N4BP2: variants seen among roughly 807,000 people sequenced by gnomAD.
The protein encoded by N4BP2 is NEDD4-binding protein 2.
Under a neutral mutation model 152.8 loss-of-function variants are expected in N4BP2, and 91 were observed. The ratio of observed to expected loss-of-function variants is 0.60; its 90% confidence interval spans 0.50 to 0.71. The LOEUF (loss-of-function observed/expected upper bound fraction) is 0.71. N4BP2 is among the 30% of genes least tolerant of loss of function. N4BP2 has a pLI of 0.00. For missense variants in N4BP2, 1,923 were observed against 2,059.1 expected, an observed-to-expected ratio of 0.93 and a Z score of 1.28; for synonymous variants, 646 against 705.3, an observed-to-expected ratio of 0.92 and a Z score of 1.33.
intron 16 of N4BP2, among the ~76,000 whole-genome samples, chr4:40,145,785 T>C (rs1445479839): frequency 6.6e-6 from 1 of 152,124 alleles, no homozygotes; most frequent in African/African-American, 2.4e-5. Flanking sequence ...TTATTGGAGT[T>C]TATTGTCTAG....
At chr4:40,147,790 G>C (rs1720728448) in intron 16 of N4BP2, among the ~76,000 whole-genome samples, 1 of 151,594 alleles carries the variant, frequency 6.6e-6, no homozygotes. Flanking sequence ...CTGCTGGGCG[G>C]AGGGGCTCCT....
intron 3 of N4BP2, 85 bp downstream of exon 3, chr4:40,097,654 T>G: frequency 1.3e-6 from 1 of 782,970 alleles, no homozygotes; most frequent in Non-Finnish European, 2.0e-6. Flanking sequence ...TATAGAAAAA[T>G]GTCTTGTTTC....
intron 7 of N4BP2, among the ~76,000 whole-genome samples, chr4:40,116,899 C>T (rs879113260): frequency 1.3e-5 from 2 of 152,042 alleles, no homozygotes; most frequent in Admixed American, 1.3e-4. Context: ...TCACTCCCTT[C>T]TGACTTACAT....
chr4:40,120,003 A>T lies in N4BP2; in HGVS notation c.1892A>T (p.Glu631Val), dbSNP rs1316650231. The T allele has an allele frequency of 3.2e-6, 5 of 1,569,714 alleles. No individual in the cohort carries two copies. The highest frequency in any genetic ancestry group is 4.4e-6 in the Non-Finnish European group (5 of 1,146,028). ...NILSLSLKHL[E>V]FTEEKNLDVT... ...TTATCTTTATCTTTGAAGCATCTAG[A>T]GTTCACTGAAGAGAAGAATCTTGAT... is the stretch of plus-strand genomic sequence containing the variant. The change falls in exon 9 of 18, where the codon GAG becomes GTG. Residue 631 changes from glutamate to valine, a missense_variant. Transcript: ENST00000261435.
chr4:40,149,902 GAA>G (rs534686637), intron 16 of N4BP2, among the ~76,000 whole-genome samples: 258 of 95,308 alleles, frequency 2.7e-3, no homozygotes, highest in African/African-American at 0.01. Flanking sequence ...ATCTCAAAAA[GAA>G]AAAAAAAAAA....
intron 9 of N4BP2, among the ~76,000 whole-genome samples, 193 bp downstream of exon 9, chr4:40,122,502 T>C (rs978430309): frequency 6.6e-6 from 1 of 152,064 alleles, no homozygotes; most frequent in Non-Finnish European, 1.5e-5. Flanking sequence ...GCCTCCAGAG[T>C]AGCTGGGATT....
rs1182107553 is a variant in N4BP2, at chr4:40,156,272, C to T, written c.*2035C>T. The stretch of plus-strand genomic sequence containing the variant: ...TTCGGCACTTCAGCTAGACTTATTT[C>T]AATATTATAATTATGATTAATGAAG... On this transcript the variant is annotated 3_prime_UTR_variant, in exon 18 of 18. Coordinates refer to ENST00000261435, the MANE Select transcript of N4BP2 (RefSeq NM_018177.6). 1 of 151,928 alleles carries T rather than the reference C, an allele frequency of 6.6e-6. No homozygotes were observed. The highest frequency in any genetic ancestry group is 1.5e-5 in the Non-Finnish European group (1 of 67,978). The allele number at this position is 151,928 out of a possible 1,614,324, so 9.4% of individuals were successfully genotyped here.
rs1028344417 is a variant in N4BP2 at position 40,156,028 on chromosome 4, A to G, written c.*1791A>G. 1 of 152,226 alleles carries G rather than the reference A, an allele frequency of 6.6e-6. No individual in the cohort carries two copies. The highest frequency in any genetic ancestry group is 1.5e-5 in the Non-Finnish European group (1 of 68,020). 9.4% of individuals were successfully genotyped at this position (152,226 alleles called of 1,614,324 possible). A position where few individuals can be genotyped will look rare whatever the true frequency, so the allele number is the denominator to read the frequency against. On this transcript the variant is annotated 3_prime_UTR_variant, in exon 18 of 18. Transcript: ENST00000261435. ...CTTTTGTAATCTCTAGAACAGTTCTATACATTAAAAATAAACATTAAAAAT... is the reference window on the plus strand; with the variant it reads ...CTTTTGTAATCTCTAGAACAGTTCTGTACATTAAAAATAAACATTAAAAAT...
downstream of N4BP2, among the ~76,000 whole-genome samples, chr4:40,160,833 G>T (rs564923839): frequency 1.3e-4 from 20 of 152,258 alleles, no homozygotes; most frequent in African/African-American, 4.8e-4. Flanking sequence ...AGGTGCCTCT[G>T]CTCCTGACTC....
chr4:40,129,230 T>C (rs769990530), intron 12 of N4BP2, among the ~76,000 whole-genome samples: 12 of 150,220 alleles, frequency 8.0e-5, no homozygotes, highest in Non-Finnish European at 1.5e-4. Context: ...TATTTTGTTT[T>C]GTTTTGTTTT....
At chr4:40,131,504 A>G (rs1013685355) in intron 12 of N4BP2, among the ~76,000 whole-genome samples, 1 of 152,148 alleles carries the variant, frequency 6.6e-6, no homozygotes, top group Non-Finnish European at 1.5e-5. Flanking sequence ...TTGGATATGC[A>G]TGTGTGACAG....
Position 40,065,982 on chromosome 4 carries a change from G to T in N4BP2, c.-211-7473G>T, listed in dbSNP as rs56042009. On this transcript the variant is annotated intron_variant, in intron 1 of 17. Transcript: ENST00000261435. ...AGTCTAGATCTGTCGACAGGCTGGA[G>T]TGCAGTGGCGTGATCTCGGCTCACT... Among the ~76,000 whole-genome samples, 349 of 152,034 alleles carry T rather than the reference G, an allele frequency of 2.3e-3. 1 individual carries two copies. Among genetic ancestry groups the T allele is most frequent in the African/African-American group, 8.0e-3 (332 of 41,450 alleles).
At chr4:40,140,826 C>T (rs1000415380) in intron 14 of N4BP2, among the ~76,000 whole-genome samples, 1 of 151,442 alleles carries the variant, frequency 6.6e-6, no homozygotes, top group East Asian at 1.9e-4. Flanking sequence ...ATCTGTTTAA[C>T]AAAGCACATC....
At chr4:40,173,423 A>G in the N4BP2 span, among the ~76,000 whole-genome samples, 1 of 152,188 alleles carries the variant, frequency 6.6e-6, no homozygotes, top group African/African-American at 2.4e-5. Flanking sequence ...GATTTACACA[A>G]TAGCAGGAAA....
Position 40,121,952 on chromosome 4 carries a change from C to CCTTCA in N4BP2, c.3843_3847dup (p.His1283LeufsTer19). 1.3e-6 allele frequency: 2 copies of CCTTCA among 1,565,904 alleles called. No individual in the cohort carries two copies. Among genetic ancestry groups the CCTTCA allele is most frequent in the Non-Finnish European group, 1.7e-6 (2 of 1,159,300 alleles). ...AGAGACTGGAGACAACATACATTCT[C>CCTTCA]CTTCACATTTCTCTGATATTTTTAA... On this transcript the variant is annotated frameshift_variant, in exon 9 of 18. Transcript: ENST00000261435. LOFTEE classifies it high-confidence loss of function.
At chr4:40,112,500 C>T (rs1716981582) in intron 6 of N4BP2, among the ~76,000 whole-genome samples, 1 of 152,026 alleles carries the variant, frequency 6.6e-6, no homozygotes, top group South Asian at 2.1e-4. Flanking sequence ...TCCTTTTCCT[C>T]ATACTTGGCA....
intron 2 of N4BP2, among the ~76,000 whole-genome samples, chr4:40,090,627 G>A (rs552619940): frequency 6.6e-6 from 1 of 152,130 alleles, no homozygotes; most frequent in African/African-American, 2.4e-5. Context: ...GTTATGTATT[G>A]TCTTGCTTAA....
At chr4:40,089,488 G>C (rs1340960824) in intron 2 of N4BP2, among the ~76,000 whole-genome samples, 2 of 143,534 alleles carry the variant, frequency 1.4e-5, no homozygotes, top group Non-Finnish European at 1.5e-5. Context: ...CCAGGCTGGA[G>C]TGCACTAGTG....
At chr4:40,100,899 A>C (rs1715584677) in intron 3 of N4BP2, among the ~76,000 whole-genome samples, 1 of 152,224 alleles carries the variant, frequency 6.6e-6, no homozygotes, top group South Asian at 2.1e-4. Flanking sequence ...AAATGCTATG[A>C]CTGGTAGTTT....
Sources: allele counts gnomAD v4.1 joint callset (sites outside exome capture counted in the v4.1 genomes callset), GRCh38; gene constraint gnomAD v4.1.1; transcripts MANE v1.5; gene names NCBI Gene and HGNC (gene_info 2026-07-23, HGNC 2026-07-21).